Variants in THAP2 observed in about 807,000 individuals in gnomAD.
THAP2 encodes the protein THAP domain containing 2.
THAP2 carries 16 observed loss-of-function variants against 18.8 expected under a neutral mutation model. The ratio of observed to expected loss-of-function variants is 0.85; its 90% CI spans 0.58 to 1.29. The LOEUF (loss-of-function observed/expected upper bound fraction) is 1.29, where lower values mean the gene tolerates loss of function less well. Ranked by LOEUF, THAP2 falls within the 50% of genes most tolerant of loss-of-function variation. The pLI is 0.00. For synonymous variants in THAP2, 80 were observed against 89.2 expected (o/e 0.90, Z 0.58); for missense variants, 251 against 265.3 (o/e 0.95, Z 0.38).
chr12:71,671,363 T>G (rs1196732757), intron 1 of THAP2, among the ~76,000 whole-genome samples: 1 of 152,238 alleles, frequency 6.6e-6, no homozygotes, highest in Admixed American at 6.5e-5. Flanking sequence ...CTTCTACAAC[T>G]TCTTCCTCAT....
chr12:71,665,119 G>T (rs188816825), intron 1 of THAP2: 1 of 580,112 alleles, frequency 1.7e-6, no homozygotes, highest in Non-Finnish European at 3.0e-6. Flanking sequence ...CTAGAATAGA[G>T]TAATAAAAAG....
intron 1 of THAP2, among the ~76,000 whole-genome samples, chr12:71,666,942 C>T (rs901414541): frequency 2.6e-5 from 4 of 152,178 alleles, no homozygotes; most frequent in Non-Finnish European, 5.9e-5. Flanking sequence ...CCATATTGGC[C>T]AGGCTGGTCT....
At chr12:71,664,688 T>C in intron 1 of THAP2, 108 bp downstream of exon 1, 2 of 1,308,402 alleles carry the variant, frequency 1.5e-6, no homozygotes, top group South Asian at 1.2e-5. Flanking sequence ...CTTTCCCAGC[T>C]GGTAGCAGGG....
intron 1 of THAP2, among the ~76,000 whole-genome samples, chr12:71,672,225 C>A (rs997384893): frequency 1.3e-5 from 2 of 152,144 alleles, no homozygotes; most frequent in African/African-American, 4.8e-5. Flanking sequence ...GTTCAGACAG[C>A]CTTTCTCTTG....
chr12:71,670,248 G>A (rs1881412432), intron 1 of THAP2, among the ~76,000 whole-genome samples: 2 of 152,110 alleles, frequency 1.3e-5, no homozygotes, highest in Admixed American at 1.3e-4. Flanking sequence ...GGATTTTGTG[G>A]TTCTTTTTAA....
Position 71,664,745 on chromosome 12 carries a change from C to A in THAP2, c.71+165C>A, listed in dbSNP as rs930424558. 1.5e-5 allele frequency: 12 copies of A among 816,058 alleles called. No individual in the cohort carries two copies. In the African/African-American group the frequency reaches 2.0e-4, roughly 14 times the overall value. The allele number at this position is 816,058 out of a possible 1,614,324, so 50.6% of individuals were successfully genotyped here. On this transcript the variant is annotated intron_variant, in intron 1 of 2. Coordinates refer to ENST00000308086, the MANE Select transcript of THAP2 (RefSeq NM_031435.4). ...TTTCTCAAATCTGCCCAATTGTTCT[C>A]TGCTTTCGGGGAAGCTTTACTCATT...
At position 71,676,930 on chromosome 12, in the gene THAP2, C is replaced by A. The variant is rs17110155; in HGVS notation, c.509C>A (p.Thr170Lys). ...GCAACTCGAAGATGGATCAAAGCCA[C>A]GTGTTTGGTAAAGAATTTAGAAGCA... is the stretch of plus-strand genomic sequence containing the variant. The part of the protein sequence containing the change: ...RRATRRWIKA[T>K]CLVKNLEANS... Residue 170 changes from threonine to lysine, a missense_variant, in exon 3 of 3, where the codon ACG becomes AAG. Physicochemically the swap from Thr to Lys is moderately conservative, Grantham distance 78. Transcript: ENST00000308086. The A allele has an allele frequency of 6.2e-7, 1 of 1,613,688 alleles. No individual in the cohort carries two copies. The highest frequency in any genetic ancestry group is 8.5e-7 in the Non-Finnish European group (1 of 1,179,734).
chr12:71,671,700 G>T (rs1881441698), intron 1 of THAP2, among the ~76,000 whole-genome samples: 1 of 152,156 alleles, frequency 6.6e-6, no homozygotes, highest in African/African-American at 2.4e-5. Flanking sequence ...TTCTATCTTT[G>T]TTGGGGTTTT....
intron 1 of THAP2, among the ~76,000 whole-genome samples, chr12:71,672,184 G>T (rs1881452812): frequency 6.6e-6 from 1 of 152,062 alleles, no homozygotes; most frequent in Admixed American, 6.5e-5. Flanking sequence ...TTTTTTTCAA[G>T]AAAGGGCACT....
At chr12:71,674,180 A>T in intron 1 of THAP2, 23 bp from the exon 2 acceptor site, 2 of 1,491,708 alleles carry the variant, frequency 1.3e-6, no homozygotes, top group East Asian at 2.4e-5. Context: ...TTGGAATTTG[A>T]GTTGCATTTT....
At chr12:71,668,839 T>C (rs1881387029) in intron 1 of THAP2, among the ~76,000 whole-genome samples, 1 of 152,242 alleles carries the variant, frequency 6.6e-6, no homozygotes, top group Non-Finnish European at 1.5e-5. Flanking sequence ...TACCATCATC[T>C]TAATTTTATT....
intron 1 of THAP2, among the ~76,000 whole-genome samples, chr12:71,666,286 G>A (rs894444741): frequency 2.6e-5 from 4 of 152,152 alleles, no homozygotes; most frequent in African/African-American, 7.2e-5. Context: ...AGGGCGGGCT[G>A]ATCACTTGAG....
rs1479052303 is a variant in THAP2 at position 71,677,719 on chromosome 12, C to T, written c.*611C>T. On this transcript the variant is annotated 3_prime_UTR_variant, in exon 3 of 3. Transcript: ENST00000308086. Reference sequence around the variant, plus strand: ...TTTGAAAATATTTGAATGTGAAGTACCATTGAGTCATCCAAACTAGGTAAG... The same window carrying T: ...TTTGAAAATATTTGAATGTGAAGTATCATTGAGTCATCCAAACTAGGTAAG... 6.6e-6 allele frequency: 1 copy of T among 151,924 alleles called. No individual in the cohort carries two copies. Among genetic ancestry groups the T allele is most frequent in the African/African-American group, 2.4e-5 (1 of 41,392 alleles). The allele number at this position is 151,924 out of a possible 1,614,324, so 9.4% of individuals were successfully genotyped here. A position where few individuals can be genotyped will look rare whatever the true frequency, so the allele number is the denominator to read the frequency against.
At chr12:71,667,947 GTATTTATTA>G (rs1194788073) in intron 1 of THAP2, 4 of 152,122 alleles carry the variant, frequency 2.6e-5, no homozygotes, top group Non-Finnish European at 4.4e-5. Context: ...GGGGGTTTTG[GTATTTATTA>G]CCTTTCATTT....
In THAP2 at chr12:71,676,835, C is replaced by A; in HGVS notation, c.414C>A (p.Ile138=). 1 of 1,613,466 alleles carries A rather than the reference C, an allele frequency of 6.2e-7. No homozygotes were observed. The highest frequency in any genetic ancestry group is 1.1e-5 in the South Asian group (1 of 91,044). ...ATCCTATGGAGGCAAAAAAGAGGAT[C>A]ATTAAACTGGAAAAAGAAATAGCAA... ...FRNPMEAKKR[I]IKLEKEIASL... is the part of the protein sequence containing the mutation. The change falls in exon 3 of 3, where the codon ATC becomes ATA. Residue 138 remains isoleucine (I), a synonymous_variant. Transcript: ENST00000308086.
intron 1 of THAP2, among the ~76,000 whole-genome samples, chr12:71,666,533 AC>A (rs1881346216): frequency 6.6e-6 from 1 of 151,998 alleles, no homozygotes; most frequent in Non-Finnish European, 1.5e-5. Flanking sequence ...AAAAAACAAA[AC>A]AAAAAAAAAG....
Position 71,678,534 on chromosome 12 carries a change from G to T in THAP2, c.*1426G>T, listed in dbSNP as rs1375464382. ...CTTTGTTGAAATCATGTAAAAATTT[G>T]TTAATAGAGAATCAAGTTATTTAAC... On this transcript the variant is annotated 3_prime_UTR_variant, in exon 3 of 3. Coordinates refer to ENST00000308086, the MANE Select transcript of THAP2 (RefSeq NM_031435.4). 1 of 152,332 alleles carries T rather than the reference G, an allele frequency of 6.6e-6. No homozygotes were observed. Among genetic ancestry groups the T allele is most frequent in the Non-Finnish European group, 1.5e-5 (1 of 68,020 alleles). 9.4% of individuals were successfully genotyped at this position (152,332 alleles called of 1,614,324 possible).
chr12:71,666,580 G>A (rs1423141706), intron 1 of THAP2, among the ~76,000 whole-genome samples: 5 of 152,098 alleles, frequency 3.3e-5, no homozygotes, highest in South Asian at 2.1e-4. Flanking sequence ...CATAAAATTT[G>A]CCTACTATGA....
chr12:71,664,537 T>C lies in THAP2; in HGVS notation c.28T>C (p.Cys10Arg). 1 of 1,614,174 alleles carries C rather than the reference T, an allele frequency of 6.2e-7. No individual in the cohort carries two copies. Among genetic ancestry groups the C allele is most frequent in the Non-Finnish European group, 8.5e-7 (1 of 1,180,022 alleles). The stretch of plus-strand genomic sequence containing the variant: ...GCCGACCAATTGCGCTGCGGCGGGC[T>C]GTGCCACTACCTACAACAAGCACAT... MPTNCAAAGCATTYNKHINI... is the reference protein window; with the variant it reads MPTNCAAAGRATTYNKHINI... The change falls in exon 1 of 3, where the codon TGT becomes CGT. Residue 10 changes from cysteine to arginine, a missense_variant. Coordinates refer to ENST00000308086, the MANE Select transcript of THAP2 (RefSeq NM_031435.4).
Sources: gnomAD v4.1 joint callset for allele counts (sites outside exome capture counted in the v4.1 genomes callset) on GRCh38, gnomAD v4.1.1 for gene constraint, MANE v1.5 for transcripts, NCBI Gene and HGNC (gene_info 2026-07-23, HGNC 2026-07-21) for gene names.